The following GLIS1 variants were observed in gnomAD, a reference collection of about 807,000 sequenced individuals.
GLIS1 encodes zinc finger protein GLIS1.
A neutral mutation model predicts 63.8 loss-of-function variants in GLIS1; 24 were observed. That is an observed-to-expected ratio of 0.38 (90% CI 0.27 to 0.53). The LOEUF (loss-of-function observed/expected upper bound fraction) is 0.53. GLIS1 is among the 20% of genes least tolerant of loss of function. The pLI is 0.85. For missense variants in GLIS1, 1,036 were observed against 1,074.1 expected (o/e 0.96, Z 0.50); for synonymous variants, 450 against 482.5 (o/e 0.93, Z 0.88).
intron 2 of GLIS1, among the ~76,000 whole-genome samples, chr1:53,606,674 G>C (rs1274107825): frequency 1.3e-5 from 2 of 152,236 alleles, no homozygotes; most frequent in Non-Finnish European, 2.9e-5. Context: ...GGACAGCCCG[G>C]TGGACCGGGT....
chr1:53,640,339 CT>C (rs1557496584), intron 2 of GLIS1, among the ~76,000 whole-genome samples: 2 of 152,054 alleles, frequency 1.3e-5, no homozygotes, highest in East Asian at 3.9e-4. Context: ...GGTTTGACTC[CT>C]TTTGGTTGTA....
intron 2 of GLIS1, among the ~76,000 whole-genome samples, chr1:53,693,692 C>A (rs1036505344): frequency 3.9e-5 from 6 of 152,108 alleles, no homozygotes; most frequent in Non-Finnish European, 7.4e-5. Flanking sequence ...ATAAAGCAGG[C>A]GCTCTGGCGG....
At chr1:53,715,502 G>A (rs1045609075) in intron 2 of GLIS1, among the ~76,000 whole-genome samples, 1 of 152,196 alleles carries the variant, frequency 6.6e-6, no homozygotes, top group Non-Finnish European at 1.5e-5. Context: ...TCAAAGTGAC[G>A]CTGTCGAATG....
At chr1:53,612,332 C>T (rs1359044806) in intron 2 of GLIS1, among the ~76,000 whole-genome samples, 11 of 151,466 alleles carry the variant, frequency 7.3e-5, no homozygotes, top group Admixed American at 3.3e-4. Context: ...CTCCGCCTCC[C>T]GGGTTCACAC....
chr1:53,530,712 C>T (rs950532224), intron 4 of GLIS1, among the ~76,000 whole-genome samples: 7 of 152,164 alleles, frequency 4.6e-5, no homozygotes, highest in African/African-American at 1.7e-4. Context: ...GGAGTGTCCC[C>T]TCTTTCACAG....
intron 2 of GLIS1, among the ~76,000 whole-genome samples, chr1:53,737,426 T>C (rs1368697955): frequency 2.6e-5 from 4 of 152,230 alleles, no homozygotes; most frequent in Non-Finnish European, 4.4e-5. Flanking sequence ...TTTTGTCAGC[T>C]GAGGAGATTG....
intron 2 of GLIS1, among the ~76,000 whole-genome samples, chr1:53,626,967 T>C (rs1645600838): frequency 6.6e-6 from 1 of 152,248 alleles, no homozygotes; most frequent in South Asian, 2.1e-4. Context: ...CTTTGTAAAC[T>C]GTAGAGCACT....
chr1:53,712,828 G>A (rs12080993), intron 2 of GLIS1, among the ~76,000 whole-genome samples: 2 of 151,934 alleles, frequency 1.3e-5, no homozygotes, highest in Admixed American at 1.3e-4. Context: ...CATCATCGGC[G>A]GTGGGCTACA....
intron 5 of GLIS1, among the ~76,000 whole-genome samples, chr1:53,528,999 T>C (rs958303051): frequency 6.6e-6 from 1 of 152,160 alleles, no homozygotes; most frequent in Admixed American, 6.5e-5. Flanking sequence ...CGTCCAGCTG[T>C]GCGATGGTGA....
chr1:53,626,501 A>C (rs1357466471), intron 2 of GLIS1, among the ~76,000 whole-genome samples: 1 of 152,184 alleles, frequency 6.6e-6, no homozygotes, highest in Non-Finnish European at 1.5e-5. Flanking sequence ...CCCTGACCTG[A>C]GAAGTCTCAC....
chr1:53,509,395 A>T (rs1031559462), intron 9 of GLIS1, 108 bp from the exon 10 acceptor site: 4 of 1,204,652 alleles, frequency 3.3e-6, no homozygotes. Context: ...CTGTCCAGGC[A>T]TTGTGGGTGT....
At chr1:53,547,626 T>A (rs1465747662) in intron 4 of GLIS1, among the ~76,000 whole-genome samples, 3 of 152,234 alleles carry the variant, frequency 2.0e-5, no homozygotes, top group Non-Finnish European at 4.4e-5. Flanking sequence ...CCCACAGGCC[T>A]ACTCAAGCCT....
chr1:53,595,772 C>T (rs768771411), intron 3 of GLIS1, among the ~76,000 whole-genome samples: 2 of 152,200 alleles, frequency 1.3e-5, no homozygotes, highest in East Asian at 1.9e-4. Flanking sequence ...TATGACACTT[C>T]GCCCCAAGCA....
At chr1:53,707,469 C>T (rs377489110) in intron 2 of GLIS1, among the ~76,000 whole-genome samples, 2 of 151,896 alleles carry the variant, frequency 1.3e-5, no homozygotes, top group Non-Finnish European at 2.9e-5. Flanking sequence ...GGACAATATG[C>T]TGAAACTCTG....
At chr1:53,737,703 T>G (rs1557549257) in intron 2 of GLIS1, 103 bp downstream of exon 2, 1 of 1,125,014 alleles carries the variant, frequency 8.9e-7, no homozygotes, top group Non-Finnish European at 1.1e-6. Flanking sequence ...ACTGAGGAAC[T>G]CCGAAGAAAG....
chr1:53,629,101 GAC>G (rs373359983), intron 2 of GLIS1, among the ~76,000 whole-genome samples: 2 of 151,696 alleles, frequency 1.3e-5, no homozygotes, highest in African/African-American at 2.4e-5. Context: ...CACACACAGG[GAC>G]ACACACACAC....
chr1:53,631,210 C>A (rs888692540), intron 2 of GLIS1, among the ~76,000 whole-genome samples: 10 of 152,192 alleles, frequency 6.6e-5, no homozygotes, highest in Non-Finnish European at 1.3e-4. Context: ...TCCAACCAGA[C>A]AACAGATAAA....
chr1:53,648,038 GGT>G (rs1645865543), intron 2 of GLIS1, among the ~76,000 whole-genome samples: 1 of 152,070 alleles, frequency 6.6e-6, no homozygotes, highest in Non-Finnish European at 1.5e-5. Flanking sequence ...CAGGCATGGT[GGT>G]ATGTGCACCT....
At chr1:53,614,640 G>A (rs971645656) in intron 2 of GLIS1, among the ~76,000 whole-genome samples, 12 of 152,212 alleles carry the variant, frequency 7.9e-5, no homozygotes, top group South Asian at 2.1e-4. Flanking sequence ...AAAGAAAAGC[G>A]TAGATGCAGG....
Sources: gnomAD v4.1 joint callset for allele counts (sites outside exome capture counted in the v4.1 genomes callset) on GRCh38, gnomAD v4.1.1 for gene constraint, MANE v1.5 for transcripts, NCBI Gene and HGNC (gene_info 2026-07-23, HGNC 2026-07-21) for gene names.